The following SBF2 variants were observed in gnomAD, a reference collection of about 807,000 sequenced individuals.
SBF2 encodes the protein myotubularin-related protein 13.
Under a neutral mutation model 225.2 loss-of-function variants are expected in SBF2, and 112 were observed. The observed-to-expected ratio is 0.50, with a 90% CI of 0.43 to 0.58. SBF2 has a LOEUF of 0.58. SBF2 is among the 20% of genes least tolerant of loss of function. SBF2 has a pLI of 0.00. For synonymous variants in SBF2, 763 were observed against 773.3 expected, an observed-to-expected ratio of 0.99 and a Z score of 0.22; for missense variants, 1,996 against 2,206.2, an observed-to-expected ratio of 0.90 and a Z score of 1.91.
At chr11:10,133,573 C>T (rs1166809490) in intron 2 of SBF2, among the ~76,000 whole-genome samples, 1 of 137,630 alleles carries the variant, frequency 7.3e-6, no homozygotes, top group Non-Finnish European at 1.7e-5. Context: ...TTGCCCAGGG[C>T]CAGCAGGGCT....
intron 1 of SBF2, among the ~76,000 whole-genome samples, chr11:10,245,531 T>G (rs967520028): frequency 1.3e-5 from 2 of 152,156 alleles, no homozygotes; most frequent in African/African-American, 4.8e-5. Flanking sequence ...AAAGTGACCC[T>G]TTGTATACTG....
chr11:10,099,831 C>T (rs900498822), intron 2 of SBF2, among the ~76,000 whole-genome samples: 3 of 151,988 alleles, frequency 2.0e-5, no homozygotes, highest in Non-Finnish European at 4.4e-5. Flanking sequence ...CACACACACA[C>T]ACCTCTAATA....
chr11:9,894,933 G>T (rs1261631519), intron 17 of SBF2, among the ~76,000 whole-genome samples: 2 of 151,500 alleles, frequency 1.3e-5, no homozygotes, highest in Non-Finnish European at 2.9e-5. Flanking sequence ...AATGAGCCGA[G>T]ATTGAGCCAT....
intron 17 of SBF2, among the ~76,000 whole-genome samples, chr11:9,894,589 T>C (rs1469335451): frequency 6.6e-6 from 1 of 151,350 alleles, no homozygotes; most frequent in East Asian, 1.9e-4. Flanking sequence ...GAGGCTGAGA[T>C]GGGAGGATCA....
At chr11:10,109,270 T>C (rs1427993846) in intron 2 of SBF2, among the ~76,000 whole-genome samples, 1 of 152,198 alleles carries the variant, frequency 6.6e-6, no homozygotes. Context: ...ATATTACATG[T>C]TAAAGGACCA....
At chr11:10,246,201 G>C (rs2135474327) in intron 1 of SBF2, among the ~76,000 whole-genome samples, 2 of 152,324 alleles carry the variant, frequency 1.3e-5, no homozygotes, top group Middle Eastern at 6.8e-3. Context: ...GGCATACACT[G>C]TAGTGACGCT....
chr11:9,988,839 T>G lies in SBF2; in HGVS notation c.1395+658A>C, dbSNP rs1032130321. ...CTAGTACAGCTACTATGGAAAATGA[T>G]GTGGAGATTCCTTAAAGAACTAAAA... On this transcript the variant is annotated intron_variant, in intron 13 of 39. Coordinates refer to ENST00000256190, the MANE Select transcript of SBF2 (RefSeq NM_030962.4). 2.6e-5 allele frequency among the ~76,000 whole-genome samples: 4 copies of G among 152,292 alleles called. No homozygotes were observed. In the South Asian group the frequency reaches 6.2e-4, roughly 24 times the overall value.
At chr11:10,242,510 G>A (rs78010579) in intron 1 of SBF2, among the ~76,000 whole-genome samples, 5 of 152,148 alleles carry the variant, frequency 3.3e-5, no homozygotes, top group East Asian at 1.9e-4. Context: ...TATCAATCAC[G>A]TTAAATGTAA....
At chr11:9,786,964 T>C (rs1323106218) in intron 36 of SBF2, among the ~76,000 whole-genome samples, 1 of 152,206 alleles carries the variant, frequency 6.6e-6, no homozygotes, top group Non-Finnish European at 1.5e-5. Flanking sequence ...CGATCTCGGC[T>C]CACTCACTGC....
At chr11:10,195,371 G>T (rs1957317767) in intron 1 of SBF2, among the ~76,000 whole-genome samples, 1 of 152,158 alleles carries the variant, frequency 6.6e-6, no homozygotes, top group Admixed American at 6.5e-5. Flanking sequence ...GAACTTTGGG[G>T]ATGTAATTTG....
intron 2 of SBF2, among the ~76,000 whole-genome samples, chr11:10,049,290 T>G (rs1949978517): frequency 6.6e-6 from 1 of 152,110 alleles, no homozygotes; most frequent in South Asian, 2.1e-4. Flanking sequence ...TATTTAAAAG[T>G]GGGTAAATTT....
chr11:9,895,802 A>C, intron 17 of SBF2, 141 bp downstream of exon 17: 1 of 707,254 alleles, frequency 1.4e-6, no homozygotes, highest in Non-Finnish European at 2.6e-6. Context: ...GCATGCAATA[A>C]ATGTTATAAT....
At chr11:10,121,205 CG>C (rs1159368140) in intron 2 of SBF2, among the ~76,000 whole-genome samples, 1 of 152,114 alleles carries the variant, frequency 6.6e-6, no homozygotes, top group Non-Finnish European at 1.5e-5. Flanking sequence ...GTCAGAAATA[CG>C]GGATCAGCAC....
intron 32 of SBF2, among the ~76,000 whole-genome samples, chr11:9,803,480 GC>G (rs1301106519): frequency 6.6e-6 from 1 of 151,578 alleles, no homozygotes; most frequent in African/African-American, 2.4e-5. Context: ...CTCCCCCCCA[GC>G]CCCATCCCCA....
chr11:9,899,460 T>C (rs12417267), intron 16 of SBF2, among the ~76,000 whole-genome samples: 2,404 of 143,870 alleles, frequency 0.017, 26 homozygotes, highest in Non-Finnish European at 0.027. Context: ...ACTATGATCA[T>C]GCCGTGACAC....
At chr11:10,039,968 A>G (rs1820177442) in intron 3 of SBF2, among the ~76,000 whole-genome samples, 2 of 151,978 alleles carry the variant, frequency 1.3e-5, no homozygotes, top group Admixed American at 1.3e-4. Context: ...CTGTAGCTCA[A>G]ACAGACAGGA....
At chr11:10,049,836 C>T (rs1213222180) in intron 2 of SBF2, among the ~76,000 whole-genome samples, 1 of 152,114 alleles carries the variant, frequency 6.6e-6, no homozygotes, top group Non-Finnish European at 1.5e-5. Flanking sequence ...TTTTATCAGG[C>T]TACAATAAAA....
intron 6 of SBF2, among the ~76,000 whole-genome samples, chr11:10,004,574 T>TTAAAAA (rs1554981699): frequency 3.5e-5 from 3 of 85,558 alleles, no homozygotes; most frequent in East Asian, 3.3e-4. Flanking sequence ...CTACAAAAAT[T>TTAAAAA]AAAAAAAAAA....
rs189482251 is a variant in SBF2 at position 9,979,164 on chromosome 11, G to A, written c.1395+10333C>T. Among the ~76,000 whole-genome samples the A allele has an allele frequency of 2.4e-3, 363 of 152,264 alleles. 2 individuals carry two copies. Among genetic ancestry groups the A allele is most frequent in the African/African-American group, 8.5e-3 (354 of 41,564 alleles). On this transcript the variant is annotated intron_variant, in intron 13 of 39. Transcript: ENST00000256190. Reference sequence around the variant, plus strand: ...AATCACTTAAGAGTCATATGATTCTGAGCCAATTAGCCCCACTAAAATGGG... The same window carrying A: ...AATCACTTAAGAGTCATATGATTCTAAGCCAATTAGCCCCACTAAAATGGG...
Sources: allele counts gnomAD v4.1 joint callset (sites outside exome capture counted in the v4.1 genomes callset), GRCh38; gene constraint gnomAD v4.1.1; transcripts MANE v1.5; gene names NCBI Gene and HGNC (gene_info 2026-07-23, HGNC 2026-07-21).